HM13: variants seen among roughly 807,000 people sequenced by gnomAD.
The protein encoded by HM13 is histocompatibility minor 13, also known as signal peptide peptidase.
HM13 carries 18 observed loss-of-function variants against 50.0 expected under a neutral mutation model. The ratio of observed to expected loss-of-function variants is 0.36; its 90% CI spans 0.25 to 0.53. The LOEUF is 0.53. HM13 is among the 20% of genes least tolerant of loss of function. The pLI, the probability that HM13 is intolerant of heterozygous loss-of-function variation, is 0.90. For missense variants in HM13, 393 were observed against 552.4 expected, an observed-to-expected ratio of 0.71 and a Z score of 2.89; for synonymous variants, 197 against 232.6, an observed-to-expected ratio of 0.85 and a Z score of 1.39.
chr20:31,549,359 G>A (rs2122624564), intron 6 of HM13, 27 bp downstream of exon 6: 2 of 1,613,776 alleles, frequency 1.2e-6, no homozygotes, highest in Non-Finnish European at 1.7e-6. Flanking sequence ...TGCCAAGGAT[G>A]TCTGGCTCCG....
chr20:31,559,205 T>A (rs564526542), intron 8 of HM13, among the ~76,000 whole-genome samples: 1 of 152,314 alleles, frequency 6.6e-6, no homozygotes, highest in Admixed American at 6.5e-5. Context: ...ACAGTCACAA[T>A]CTCACAATGA....
chr20:31,569,332 AG>A lies in HM13; in HGVS notation c.*118del. ...GCCAAGGGCAGCTCCAGGACAGGGCAGGGGGCAGCAGGATACCTCCAGCCAG... is the reference window on the plus strand; with the variant it reads ...GCCAAGGGCAGCTCCAGGACAGGGCAGGGGCAGCAGGATACCTCCAGCCAG... On this transcript the variant is annotated 3_prime_UTR_variant, in exon 13 of 13. Transcript: ENST00000398174. 4 of 648,058 alleles carry A rather than the reference AG, an allele frequency of 6.2e-6. No homozygotes were observed. Among genetic ancestry groups the A allele is most frequent in the Non-Finnish European group, 1.1e-5 (4 of 370,692 alleles). The allele number at this position is 648,058 out of a possible 1,614,324, so 40.1% of individuals were successfully genotyped here.
chr20:31,516,040 C>G (rs777128463), intron 1 of HM13, among the ~76,000 whole-genome samples: 2 of 152,244 alleles, frequency 1.3e-5, no homozygotes, highest in East Asian at 1.9e-4. Context: ...TGTATGCGAT[C>G]AGATGCAAAG....
chr20:31,568,885 C>T (rs1025461901), intron 12 of HM13, among the ~76,000 whole-genome samples: 3 of 152,218 alleles, frequency 2.0e-5, no homozygotes, highest in African/African-American at 7.2e-5. Context: ...GGCTGCTGCC[C>T]TTGCTGCCTC....
chr20:31,526,507 A>G (rs1381879399), intron 1 of HM13, among the ~76,000 whole-genome samples: 1 of 151,908 alleles, frequency 6.6e-6, no homozygotes, highest in African/African-American at 2.4e-5. Flanking sequence ...TTGATCTGTT[A>G]CTCCATTTTC....
At chr20:31,549,777 TG>T (rs1336775531) in intron 6 of HM13, among the ~76,000 whole-genome samples, 1 of 152,170 alleles carries the variant, frequency 6.6e-6, no homozygotes, top group Non-Finnish European at 1.5e-5. Context: ...CCCTCTCAAG[TG>T]GGTAGCGCTG....
In HM13 at chr20:31,554,738, C is replaced by T. The variant is rs905512400; in HGVS notation, c.725-8C>T. On this transcript the variant is annotated splice_region_variant and splice_polypyrimidine_tract_variant and intron_variant, in intron 7 of 12. Transcript: ENST00000398174. ...GCTGACTCCTCACATTCCCGCCTCC[C>T]GCTTCAGTGGTGTTTCCCCAGGATC... 9 of 1,613,532 alleles carry T rather than the reference C, an allele frequency of 5.6e-6. No individual in the cohort carries two copies. Among genetic ancestry groups the T allele is most frequent in the East Asian group, 2.2e-5 (1 of 44,878 alleles).
intron 10 of HM13, among the ~76,000 whole-genome samples, chr20:31,565,414 G>A (rs1181497430): frequency 6.7e-6 from 1 of 149,810 alleles, no homozygotes; most frequent in South Asian, 2.1e-4. Context: ...TGGAGGCGGA[G>A]GTTGCAGTGA....
In HM13 at chr20:31,549,258, G is replaced by A. The variant is rs780168064; in HGVS notation, c.592G>A (p.Glu198Lys). ...FGLAFSLNGV[E>K]LLHLNNVSTG... ...CCTGGCCTTCTCCCTTAATGGAGTA[G>A]AGCTCCTGCACCTCAACAATGTCAG... The change falls in exon 6 of 13, where the codon GAG becomes AAG. Residue 198 changes from glutamate to lysine, a missense_variant. Physicochemically the swap from Glu to Lys is moderately conservative, Grantham distance 56. Coordinates refer to ENST00000398174, the MANE Select transcript of HM13 (RefSeq NM_178581.3). 25 of 1,614,078 alleles carry A rather than the reference G, an allele frequency of 1.5e-5. No homozygotes were observed. The highest frequency in any genetic ancestry group is 2.0e-5 in the Non-Finnish European group (24 of 1,180,048).
chr20:31,529,733 A>G (rs957727916), intron 2 of HM13, among the ~76,000 whole-genome samples: 1 of 152,214 alleles, frequency 6.6e-6, no homozygotes, highest in Non-Finnish European at 1.5e-5. Context: ...CTGGCCAACA[A>G]TGGTGAAACC....
In HM13 at chr20:31,537,629, G is replaced by A. The variant is rs766474453; in HGVS notation, c.283-550G>A. 2.1e-4 allele frequency among the ~76,000 whole-genome samples: 32 copies of A among 152,302 alleles called. 1 individual carries two copies. In the East Asian group the frequency reaches 4.4e-3, roughly 21 times the overall value. ...GAATATTTCTCAAGTTTCACCTAAC[G>A]ACGAAAAGACCAAGAAGCAGCTGTC... On this transcript the variant is annotated intron_variant, in intron 2 of 12. Transcript: ENST00000398174.
chr20:31,561,114 A>C (rs1984582191), intron 9 of HM13, among the ~76,000 whole-genome samples: 3 of 152,220 alleles, frequency 2.0e-5, no homozygotes, highest in Admixed American at 6.5e-5. Context: ...AGGCTATTGA[A>C]CTATTACGTC....
intron 1 of HM13, among the ~76,000 whole-genome samples, chr20:31,516,098 A>G (rs547995800): frequency 6.6e-6 from 1 of 152,252 alleles, no homozygotes; most frequent in Admixed American, 6.5e-5. Flanking sequence ...ACATGACTCC[A>G]TTTTCCTTTT....
intron 4 of HM13, chr20:31,547,731 GCCTTTTTGTCCAACT>G: frequency 8.9e-7 from 1 of 1,119,526 alleles, no homozygotes; most frequent in South Asian, 1.3e-5. Flanking sequence ...AAAGAAAGGG[GCCTTTTTGTCCAACT>G]CTAAGGTTGC....
intron 8 of HM13, among the ~76,000 whole-genome samples, chr20:31,559,358 G>A (rs1427626794): frequency 6.6e-6 from 1 of 152,218 alleles, no homozygotes; most frequent in East Asian, 1.9e-4. Context: ...GGCAGACACG[G>A]TGTGACATAG....
chr20:31,566,352 C>T, intron 11 of HM13, 57 bp downstream of exon 11: 1 of 1,366,432 alleles, frequency 7.3e-7, no homozygotes, highest in Non-Finnish European at 1.0e-6. Flanking sequence ...TGCTGGCAGT[C>T]AGTGGAACCT....
intron 3 of HM13, chr20:31,541,273 G>A (rs1054740954): frequency 1.3e-5 from 2 of 152,070 alleles, no homozygotes; most frequent in Non-Finnish European, 2.9e-5. Context: ...CTGAGCTCAG[G>A]AGTTCAAGAC....
intron 3 of HM13, chr20:31,538,636 G>A (rs1259342749): frequency 2.6e-5 from 31 of 1,180,258 alleles, no homozygotes; most frequent in South Asian, 4.0e-5. Flanking sequence ...ACACATGATC[G>A]TGTTTCGTAA....
intron 8 of HM13, among the ~76,000 whole-genome samples, chr20:31,558,934 T>TG (rs1272252037): frequency 6.6e-6 from 1 of 152,086 alleles, no homozygotes; most frequent in Non-Finnish European, 1.5e-5. Context: ...TGTTTTGTTT[T>TG]TTTGAGACAG....
Sources: allele counts gnomAD v4.1 joint callset (sites outside exome capture counted in the v4.1 genomes callset), GRCh38; gene constraint gnomAD v4.1.1; transcripts MANE v1.5; gene names NCBI Gene and HGNC (gene_info 2026-07-23, HGNC 2026-07-21).